FAM222A: variants seen among roughly 807,000 people sequenced by gnomAD.
The protein encoded by FAM222A is protein FAM222A.
Under a neutral mutation model 25.8 loss-of-function variants are expected in FAM222A, and 7 were observed. The observed-to-expected ratio is 0.27, with a 90% CI of 0.15 to 0.51. The LOEUF (loss-of-function observed/expected upper bound fraction) is 0.51. Among genes scored for constraint, FAM222A ranks in the 20% least tolerant of loss-of-function variants. FAM222A has a pLI of 0.97. For synonymous variants in FAM222A, 294 were observed against 298.8 expected (o/e 0.98, Z 0.17); for missense variants, 573 against 640.5 (o/e 0.89, Z 1.14).
intron 2 of FAM222A, among the ~76,000 whole-genome samples, chr12:109,767,338 G>A (rs1718002860): frequency 2.0e-5 from 3 of 152,036 alleles, no homozygotes; most frequent in Admixed American, 2.0e-4. Context: ...GACTGGCCTG[G>A]CCAACGTGGC....
At chr12:109,717,449 G>C (rs900697368) in intron 1 of FAM222A, among the ~76,000 whole-genome samples, 1 of 152,216 alleles carries the variant, frequency 6.6e-6, no homozygotes, top group Non-Finnish European at 1.5e-5. Flanking sequence ...GACCCAGCCT[G>C]AGGGTCAAAA....
intron 1 of FAM222A, among the ~76,000 whole-genome samples, chr12:109,731,205 G>GT (rs1387494502): frequency 6.6e-6 from 1 of 152,104 alleles, no homozygotes; most frequent in Non-Finnish European, 1.5e-5. Context: ...TGCCTTGCGG[G>GT]TCTGGAGAAT....
rs142278927 is a variant in FAM222A, at chr12:109,768,895, G to A, written c.966G>A (p.Glu322=). The change falls in exon 3 of 3, where the codon GAG becomes GAA. Residue 322 remains glutamate, a synonymous_variant. Coordinates refer to ENST00000538780, the MANE Select transcript of FAM222A (RefSeq NM_032829.3). Reference sequence around the variant, plus strand: ...AGGCTTGCGGGGGCCGGGCATACGAGCGGGCCAGCGGGTCACCCCTCAACT... The same window carrying A: ...AGGCTTGCGGGGGCCGGGCATACGAACGGGCCAGCGGGTCACCCCTCAACT... ...SPEACGGRAY[E]RASGSPLNCG... The A allele has an allele frequency of 2.6e-4, 418 of 1,581,042 alleles. No individual in the cohort carries two copies. The highest frequency in any genetic ancestry group is 3.4e-4 in the Non-Finnish European group (402 of 1,171,334).
At chr12:109,762,855 C>G (rs1742277372) in intron 2 of FAM222A, among the ~76,000 whole-genome samples, 2 of 152,134 alleles carry the variant, frequency 1.3e-5, no homozygotes, top group South Asian at 4.1e-4. Flanking sequence ...GCACTGTGGC[C>G]AGGCCAGGCT....
chr12:109,737,974 G>A (rs1888132686), intron 1 of FAM222A, among the ~76,000 whole-genome samples: 1 of 152,118 alleles, frequency 6.6e-6, no homozygotes, highest in South Asian at 2.1e-4. Context: ...GTGGGAGAGA[G>A]AGGAAGGAGC....
At chr12:109,719,696 T>G (rs1404868512) in intron 1 of FAM222A, among the ~76,000 whole-genome samples, 1 of 151,900 alleles carries the variant, frequency 6.6e-6, no homozygotes, top group Non-Finnish European at 1.5e-5. Flanking sequence ...CAGAGGGAGT[T>G]TGGAGACCCG....
intron 1 of FAM222A, among the ~76,000 whole-genome samples, chr12:109,732,936 A>C (rs112659025): frequency 0.015 from 2,293 of 152,356 alleles, 61 homozygotes; most frequent in African/African-American, 0.052. Context: ...AGAGACAGAC[A>C]CTAAACCATT....
chr12:109,714,678 C>G lies in FAM222A; in HGVS notation c.-266C>G, dbSNP rs1466205336. The G allele has an allele frequency of 6.6e-6, 1 of 152,098 alleles. No homozygotes were observed. Among genetic ancestry groups the G allele is most frequent in the Non-Finnish European group, 1.5e-5 (1 of 68,004 alleles). 9.4% of individuals were successfully genotyped at this position (152,098 alleles called of 1,614,324 possible). A position where few individuals can be genotyped will look rare whatever the true frequency, so the allele number is the denominator to read the frequency against. On this transcript the variant is annotated 5_prime_UTR_variant, in exon 1 of 3. Transcript: ENST00000538780. The surrounding 1 kb of genome is among the most constrained non-coding windows in gnomAD (Gnocchi z 4.2). Reference sequence around the variant, plus strand: ...GCCCCCGTCCGGGGCGGGCGTGACCCCTGCTGAACGGAGACCTCCCCTCCC... The same window carrying G: ...GCCCCCGTCCGGGGCGGGCGTGACCGCTGCTGAACGGAGACCTCCCCTCCC...
chr12:109,720,536 C>T (rs556620103), intron 1 of FAM222A, among the ~76,000 whole-genome samples: 8 of 152,358 alleles, frequency 5.3e-5, no homozygotes, highest in Admixed American at 2.6e-4. Context: ...TGCAGATCTC[C>T]GTCTCTTCAT....
chr12:109,736,539 A>G (rs1035338493), intron 1 of FAM222A, among the ~76,000 whole-genome samples: 4 of 152,090 alleles, frequency 2.6e-5, no homozygotes, highest in Non-Finnish European at 4.4e-5. Context: ...TCCTTACATC[A>G]TGACCCCCCC....
chr12:109,740,036 G>A (rs989354017), intron 1 of FAM222A, among the ~76,000 whole-genome samples: 1 of 152,218 alleles, frequency 6.6e-6, no homozygotes, highest in Non-Finnish European at 1.5e-5. Flanking sequence ...GCGAGGGCGA[G>A]ATGACAAAAG....
chr12:109,769,274 C>T lies in FAM222A; in HGVS notation c.1345C>T (p.Pro449Ser), dbSNP rs578010640. 2 of 1,610,018 alleles carry T rather than the reference C, an allele frequency of 1.2e-6. No homozygotes were observed. Among genetic ancestry groups the T allele is most frequent in the Admixed American group, 3.3e-5 (2 of 59,804 alleles). ...CCACCAGCATGCCCACATCCGCCTA[C>T]CCGTCTACAGATAAGGCCTGCCCTG... ...LDHQHAHIRLPVYR is the reference protein window; with the variant it reads ...LDHQHAHIRLSVYR Residue 449 changes from proline (P) to serine (S), a missense_variant, in exon 3 of 3, where the codon CCC (proline) becomes TCC (serine). Pro to Ser is a moderately conservative substitution (Grantham distance 74). This residue lies in a region of FAM222A where 49 missense variants were observed against 78.9 expected (regional missense o/e 0.62). Coordinates refer to ENST00000538780, the MANE Select transcript of FAM222A (RefSeq NM_032829.3).
intron 1 of FAM222A, among the ~76,000 whole-genome samples, chr12:109,720,915 C>T (rs1316378169): frequency 6.6e-6 from 1 of 152,114 alleles, no homozygotes; most frequent in East Asian, 1.9e-4. Context: ...GGGCCACCAC[C>T]AGTCTCTCAA....
chr12:109,717,104 G>A (rs1179302478), intron 1 of FAM222A, among the ~76,000 whole-genome samples: 3 of 152,170 alleles, frequency 2.0e-5, no homozygotes, highest in African/African-American at 7.2e-5. Context: ...GTCCCTGCAG[G>A]CATCAGAGGC....
intron 1 of FAM222A, among the ~76,000 whole-genome samples, chr12:109,738,666 A>G (rs965793657): frequency 6.6e-6 from 1 of 152,202 alleles, no homozygotes; most frequent in African/African-American, 2.4e-5. Flanking sequence ...CCAGCTTCCT[A>G]TCTTGTCCCT....
At chr12:109,727,925 T>A (rs977639625) in intron 1 of FAM222A, among the ~76,000 whole-genome samples, 1 of 152,152 alleles carries the variant, frequency 6.6e-6, no homozygotes, top group African/African-American at 2.4e-5. Flanking sequence ...TCTGGGCTAG[T>A]GGCTGCAGGG....
At chr12:109,746,825 A>G (rs1465297867) in intron 2 of FAM222A, among the ~76,000 whole-genome samples, 1 of 152,112 alleles carries the variant, frequency 6.6e-6, no homozygotes, top group Non-Finnish European at 1.5e-5. Context: ...CAATTTCCCT[A>G]TTCTGGACTA....
intron 2 of FAM222A, among the ~76,000 whole-genome samples, chr12:109,756,392 C>CTTTTTTTTTTTTTT: frequency 8.0e-6 from 1 of 124,390 alleles, no homozygotes; most frequent in African/African-American, 2.9e-5. Flanking sequence ...AATATGAATG[C>CTTTTTTTTTTTTTT]TTTTTTTTTT....
chr12:109,749,098 GTGTT>G (rs1215669301), intron 2 of FAM222A, among the ~76,000 whole-genome samples: 4 of 152,204 alleles, frequency 2.6e-5, no homozygotes, highest in South Asian at 2.1e-4. Context: ...TTTTGTGTGT[GTGTT>G]TGTTTGTTTG....
Sources: gnomAD v4.1 joint callset for allele counts (sites outside exome capture counted in the v4.1 genomes callset) on GRCh38, gnomAD v4.1.1 for gene constraint, gnomAD v4.1.1 regional missense constraint, Gnocchi (gnomAD v3.1) non-coding constraint, MANE v1.5 for transcripts, NCBI Gene and HGNC (gene_info 2026-07-23, HGNC 2026-07-21) for gene names.